MPPED1: variants seen among roughly 807,000 people sequenced by gnomAD.
MPPED1 encodes metallophosphoesterase domain containing 1.
A neutral mutation model predicts 36.2 loss-of-function variants in MPPED1; 16 were observed. The observed-to-expected ratio is 0.44, with a 90% CI of 0.30 to 0.67. The LOEUF (loss-of-function observed/expected upper bound fraction) is 0.67. Ranked by LOEUF, MPPED1 falls within the 30% of genes least tolerant of loss-of-function variation. MPPED1 has a pLI of 0.10. For synonymous variants in MPPED1, 199 were observed against 191.3 expected (o/e 1.04, Z -0.33); for missense variants, 307 against 453.4 (o/e 0.68, Z 2.93).
Position 43,474,718 on chromosome 22 carries a change from C to G in MPPED1, c.407-18C>G. 4 of 1,612,526 alleles carry G rather than the reference C, an allele frequency of 2.5e-6. No individual in the cohort carries two copies. The highest frequency in any genetic ancestry group is 3.4e-6 in the Non-Finnish European group (4 of 1,178,796). On this transcript the variant is annotated intron_variant, in intron 3 of 6. Coordinates refer to ENST00000443721, the MANE Select transcript of MPPED1 (RefSeq NM_001044370.2). This position sits in a 1 kb window ranked among gnomAD's most constrained non-coding sequence, Gnocchi z 5.2. The stretch of plus-strand genomic sequence containing the variant: ...TGACGGCTGTGTGCTGTGTGTCTGT[C>G]TGTGTCCACCCCTGCAGGCAGCCTG...
rs554729817 is a variant in MPPED1, at chr22:43,422,939, C to CA, written c.-78-1967dup. 1.5e-3 allele frequency among the ~76,000 whole-genome samples: 225 copies of CA among 152,266 alleles called. 1 individual carries two copies. Among genetic ancestry groups the CA allele is most frequent in the African/African-American group, 5.2e-3 (217 of 41,538 alleles). ...GCAACCTCTGCCTTCTGGGTTCAAG[C>CA]AATTCTCCTGCCTCACCCTCTCAAG... On this transcript the variant is annotated intron_variant, in intron 1 of 6. Transcript: ENST00000443721.
intron 3 of MPPED1, among the ~76,000 whole-genome samples, chr22:43,451,932 A>G (rs903606061): frequency 3.9e-5 from 6 of 152,002 alleles, no homozygotes; most frequent in African/African-American, 1.5e-4. Context: ...CGGAGTGCCA[A>G]TCCTGACTGC....
chr22:43,428,967 G>C (rs1182558378), intron 2 of MPPED1, among the ~76,000 whole-genome samples: 1 of 152,062 alleles, frequency 6.6e-6, no homozygotes, highest in African/African-American at 2.4e-5. Flanking sequence ...AGTCCCCAGG[G>C]CCATGGCACC....
intron 2 of MPPED1, among the ~76,000 whole-genome samples, chr22:43,429,310 C>T (rs1021348125): frequency 4.6e-5 from 7 of 152,194 alleles, no homozygotes; most frequent in African/African-American, 1.4e-4. Context: ...ACATGGAGCT[C>T]AGCCTGGAGT....
At chr22:43,481,562 G>T (rs967772867) in intron 4 of MPPED1, among the ~76,000 whole-genome samples, 2 of 152,120 alleles carry the variant, frequency 1.3e-5, no homozygotes, top group African/African-American at 4.8e-5. Context: ...CAAATGGATG[G>T]ATGGCAAGCT....
At chr22:43,495,264 A>AGGT (rs1163197070) in intron 4 of MPPED1, among the ~76,000 whole-genome samples, 1 of 104,684 alleles carries the variant, frequency 9.6e-6, no homozygotes, top group South Asian at 3.5e-4. Flanking sequence ...GTGGTGATGG[A>AGGT]GGTGGTGGTG....
At chr22:43,429,569 C>T (rs1370944137) in intron 2 of MPPED1, among the ~76,000 whole-genome samples, 1 of 152,268 alleles carries the variant, frequency 6.6e-6, no homozygotes, top group African/African-American at 2.4e-5. Context: ...CTTTCCCGCT[C>T]CAGCTCTAGG....
chr22:43,494,577 A>C (rs1932196289), intron 4 of MPPED1, among the ~76,000 whole-genome samples: 1 of 152,192 alleles, frequency 6.6e-6, no homozygotes, highest in Non-Finnish European at 1.5e-5. Context: ...ACACGAATCC[A>C]GTATGACCCC....
At chr22:43,435,289 T>G in intron 3 of MPPED1, 74 bp downstream of exon 3, 1 of 1,487,982 alleles carries the variant, frequency 6.7e-7, no homozygotes, top group Non-Finnish European at 9.0e-7. Flanking sequence ...CGAGGCTGCC[T>G]GCCTGCCTTT....
intron 3 of MPPED1, among the ~76,000 whole-genome samples, chr22:43,439,821 T>C (rs1384720674): frequency 6.6e-6 from 1 of 152,210 alleles, no homozygotes; most frequent in Admixed American, 6.5e-5. Flanking sequence ...ACCGTCCAGC[T>C]GGACTCCTCA....
intron 3 of MPPED1, among the ~76,000 whole-genome samples, chr22:43,463,029 T>C (rs1327165931): frequency 6.6e-6 from 1 of 152,226 alleles, no homozygotes; most frequent in African/African-American, 2.4e-5. Flanking sequence ...TATAGAATTC[T>C]GAGTTGCAGA....
At chr22:43,435,779 C>T (rs533950119) in intron 3 of MPPED1, among the ~76,000 whole-genome samples, 2 of 152,134 alleles carry the variant, frequency 1.3e-5, no homozygotes, top group Non-Finnish European at 2.9e-5. Flanking sequence ...ATTGCTTGAA[C>T]CTGGGTGGTG....
Position 43,505,865 on chromosome 22 carries a change from A to G in MPPED1, c.*249A>G. 1 of 471,938 alleles carries G rather than the reference A, an allele frequency of 2.1e-6. No individual in the cohort carries two copies. The highest frequency in any genetic ancestry group is 3.8e-6 in the Non-Finnish European group (1 of 264,284). The allele number at this position is 471,938 out of a possible 1,614,324, so 29.2% of individuals were successfully genotyped here. A position where few individuals can be genotyped will look rare whatever the true frequency, so the allele number is the denominator to read the frequency against. ...GTACATCCTGCGTGTACCTCGTTAA[A>G]GGACCTACTAAGCTCATGGCCCTGT... On this transcript the variant is annotated 3_prime_UTR_variant, in exon 7 of 7. Transcript: ENST00000443721.
At chr22:43,434,981 G>T (rs944835321) in intron 2 of MPPED1, 53 bp from the exon 3 acceptor site, 1 of 1,576,516 alleles carries the variant, frequency 6.3e-7, no homozygotes, top group South Asian at 1.1e-5. Context: ...CACACCACCC[G>T]CAGGCTCGCG....
intron 4 of MPPED1, among the ~76,000 whole-genome samples, chr22:43,497,945 A>ATATATATATATATATATATATATATATG (rs1569090532): frequency 1.0e-5 from 1 of 97,052 alleles, no homozygotes; most frequent in African/African-American, 6.9e-5. Flanking sequence ...GTATATATAT[A>ATATATATATATATATATATATATATATG]TATGTATTTA....
At chr22:43,427,691 G>A (rs955003329) in intron 2 of MPPED1, among the ~76,000 whole-genome samples, 2 of 152,180 alleles carry the variant, frequency 1.3e-5, no homozygotes, top group African/African-American at 4.8e-5. Flanking sequence ...GACCTTGGGC[G>A]CTGAGCTTGC....
chr22:43,503,241 A>G (rs1343240249), intron 6 of MPPED1, among the ~76,000 whole-genome samples: 5 of 152,148 alleles, frequency 3.3e-5, no homozygotes, highest in Non-Finnish European at 4.4e-5. Context: ...CTCCGGTTCT[A>G]TCATCCACAT....
intron 4 of MPPED1, among the ~76,000 whole-genome samples, chr22:43,487,290 G>A (rs890802055): frequency 6.6e-6 from 1 of 152,166 alleles, no homozygotes; most frequent in Non-Finnish European, 1.5e-5. Flanking sequence ...GAGAGGCTAC[G>A]AAGGGCATTT....
At chr22:43,433,544 A>G (rs1181457102) in intron 2 of MPPED1, among the ~76,000 whole-genome samples, 2 of 150,992 alleles carry the variant, frequency 1.3e-5, no homozygotes, top group African/African-American at 4.9e-5. Context: ...CTCCCAGCGT[A>G]GACCAGCTCT....
Sources: allele counts gnomAD v4.1 joint callset (sites outside exome capture counted in the v4.1 genomes callset), GRCh38; gene constraint gnomAD v4.1.1; non-coding constraint Gnocchi (gnomAD v3.1); transcripts MANE v1.5; gene names NCBI Gene and HGNC (gene_info 2026-07-23, HGNC 2026-07-21).